The following UGT1A7 variants were observed in gnomAD, a reference collection of about 807,000 sequenced individuals.
UGT1A7 encodes UDP-glucuronosyltransferase 1A7.
A neutral mutation model predicts 45.6 loss-of-function variants in UGT1A7; 33 were observed. That is an observed-to-expected ratio of 0.72 (90% CI 0.55 to 0.97). UGT1A7 has a LOEUF of 0.97. Ranked by LOEUF, UGT1A7 falls within the 50% of genes least tolerant of loss-of-function variation. The pLI is 0.00. For missense variants in UGT1A7, 684 were observed against 666.2 expected, an observed-to-expected ratio of 1.03 and a Z score of -0.29; for synonymous variants, 274 against 250.6, an observed-to-expected ratio of 1.09 and a Z score of -0.88.
intron 1 of UGT1A7, among the ~76,000 whole-genome samples, chr2:233,728,399 G>A (rs913883256): frequency 6.6e-6 from 1 of 152,174 alleles, no homozygotes; most frequent in African/African-American, 2.4e-5. Context: ...TCTTGCCCAT[G>A]TGTGCTTTAG....
intron 1 of UGT1A7, among the ~76,000 whole-genome samples, chr2:233,739,832 A>C (rs1448736467): frequency 1.3e-5 from 2 of 152,016 alleles, no homozygotes; most frequent in Non-Finnish European, 2.9e-5. Flanking sequence ...GTGAAAAGAC[A>C]TGAGATTTGG....
At chr2:233,724,183 G>A (rs1455555189) in intron 1 of UGT1A7, among the ~76,000 whole-genome samples, 1,241 of 117,586 alleles carry the variant, frequency 0.011, 5 homozygotes, top group Non-Finnish European at 0.017. Flanking sequence ...TCTCCCTCCC[G>A]GACGGGGTGG....
intron 1 of UGT1A7, among the ~76,000 whole-genome samples, chr2:233,765,887 T>C (rs1279202147): frequency 1.3e-5 from 2 of 152,030 alleles, no homozygotes; most frequent in African/African-American, 2.4e-5. Flanking sequence ...ACTTTCTCAG[T>C]GCGCCACTGC....
intron 1 of UGT1A7, among the ~76,000 whole-genome samples, chr2:233,710,168 A>G (rs2076115699): frequency 6.6e-6 from 1 of 152,116 alleles, no homozygotes; most frequent in South Asian, 2.1e-4. Context: ...TTATGCATTT[A>G]TTTATTGATG....
At chr2:233,752,571 C>A (rs1486074220) in intron 1 of UGT1A7, 2 of 152,178 alleles carry the variant, frequency 1.3e-5, no homozygotes, top group African/African-American at 2.4e-5. Flanking sequence ...AGTGGGTCAA[C>A]ATCATTCCCA....
At chr2:233,689,337 G>A (rs2074938700) in intron 1 of UGT1A7, among the ~76,000 whole-genome samples, 1 of 152,224 alleles carries the variant, frequency 6.6e-6, no homozygotes, top group Admixed American at 6.5e-5. Context: ...GATTTGCAAT[G>A]GGAGAAAGGA....
At chr2:233,763,091 G>C (rs1453938427) in intron 1 of UGT1A7, among the ~76,000 whole-genome samples, 1 of 152,216 alleles carries the variant, frequency 6.6e-6, no homozygotes, top group Non-Finnish European at 1.5e-5. Context: ...ATGTTTGTAG[G>C]AGAGGCACCG....
At chr2:233,744,043 CA>C (rs1402567766) in intron 1 of UGT1A7, 4 of 743,574 alleles carry the variant, frequency 5.4e-6, no homozygotes, top group Non-Finnish European at 7.6e-6. Flanking sequence ...GACGCAGCCA[CA>C]TCTCATTGGT....
At chr2:233,747,724 T>G in intron 1 of UGT1A7, 1 of 1,613,440 alleles carries the variant, frequency 6.2e-7, no homozygotes, top group Admixed American at 1.7e-5. Flanking sequence ...CCTGCTGTGT[T>G]TTTTTTGAGG....
At chr2:233,695,048 C>T (rs1442838675) in intron 1 of UGT1A7, among the ~76,000 whole-genome samples, 2 of 152,134 alleles carry the variant, frequency 1.3e-5, no homozygotes, top group African/African-American at 2.4e-5. Context: ...TAACCATAGT[C>T]ACCCTACTGT....
intron 1 of UGT1A7, among the ~76,000 whole-genome samples, chr2:233,744,256 G>A (rs1276151413): frequency 2.0e-5 from 3 of 151,770 alleles, no homozygotes; most frequent in Admixed American, 1.3e-4. Context: ...CTGAAGAACT[G>A]TTTTTCTTAA....
chr2:233,767,127 A>G lies in UGT1A7; in HGVS notation c.949A>G (p.Met317Val), dbSNP rs749159613. 5.0e-6 allele frequency: 8 copies of G among 1,614,028 alleles called. No homozygotes were observed. Among genetic ancestry groups the G allele is most frequent in the South Asian group, 2.2e-5 (2 of 91,084 alleles). The change falls in exon 2 of 5, where the codon ATG (methionine) becomes GTG (valine). Residue 317 changes from methionine (M) to valine (V), a missense_variant. Met to Val is a conservative substitution (Grantham distance 21). Coordinates refer to ENST00000373426, the MANE Select transcript of UGT1A7 (RefSeq NM_019077.3). Reference sequence around the variant, plus strand: ...CTCAGAAATTCCAGAGAAGAAAGCTATGGCAATTGCTGATGCTTTGGGCAA... The same window carrying G: ...CTCAGAAATTCCAGAGAAGAAAGCTGTGGCAATTGCTGATGCTTTGGGCAA... The part of the protein sequence containing the change: ...MVSEIPEKKA[M>V]AIADALGKIP...
chr2:233,759,602 C>T (rs1283516103), intron 1 of UGT1A7, among the ~76,000 whole-genome samples: 2 of 135,262 alleles, frequency 1.5e-5, no homozygotes, highest in African/African-American at 5.3e-5. Flanking sequence ...ACCCCCGACC[C>T]GCCCCACCCA....
At chr2:233,698,562 A>G (rs2075448167) in intron 1 of UGT1A7, among the ~76,000 whole-genome samples, 2 of 152,254 alleles carry the variant, frequency 1.3e-5, no homozygotes, top group Admixed American at 6.5e-5. Flanking sequence ...AAACTTTAAG[A>G]ACATGTTTAA....
At chr2:233,740,238 G>A (rs1254751502) in intron 1 of UGT1A7, among the ~76,000 whole-genome samples, 1 of 151,796 alleles carries the variant, frequency 6.6e-6, no homozygotes, top group Non-Finnish European at 1.5e-5. Context: ...AGCAGGCTGA[G>A]AATAGACTAA....
At chr2:233,705,432 A>G (rs778048024) in intron 1 of UGT1A7, among the ~76,000 whole-genome samples, 4 of 152,198 alleles carry the variant, frequency 2.6e-5, no homozygotes, top group Non-Finnish European at 5.9e-5. Flanking sequence ...CTCATAACTT[A>G]TCCTTCAGAA....
At chr2:233,745,938 G>A (rs1693254361) in intron 1 of UGT1A7, among the ~76,000 whole-genome samples, 1 of 151,696 alleles carries the variant, frequency 6.6e-6, no homozygotes, top group East Asian at 1.9e-4. Flanking sequence ...GGGACAGCTG[G>A]GGGTTGGGCA....
intron 1 of UGT1A7, among the ~76,000 whole-genome samples, chr2:233,686,027 A>G (rs2074769498): frequency 6.6e-6 from 1 of 152,198 alleles, no homozygotes; most frequent in African/African-American, 2.4e-5. Flanking sequence ...TCATGGTGCC[A>G]AGAGCATTGA....
intron 1 of UGT1A7, among the ~76,000 whole-genome samples, chr2:233,757,699 C>A (rs572469741): frequency 4.0e-5 from 6 of 151,562 alleles, no homozygotes; most frequent in Non-Finnish European, 8.8e-5. Context: ...AGGAAGGTGG[C>A]TTTGCTTCCC....
Sources: gnomAD v4.1 joint callset for allele counts (sites outside exome capture counted in the v4.1 genomes callset) on GRCh38, gnomAD v4.1.1 for gene constraint, MANE v1.5 for transcripts, NCBI Gene and HGNC (gene_info 2026-07-23, HGNC 2026-07-21) for gene names.